EYA4: variants seen among roughly 807,000 people sequenced by gnomAD.
EYA4 encodes the protein protein phosphatase EYA4.
EYA4 carries 31 observed loss-of-function variants against 87.9 expected under a neutral mutation model. The ratio of observed to expected loss-of-function variants is 0.35; its 90% confidence interval spans 0.27 to 0.48. EYA4 has a LOEUF of 0.48. Ranked by LOEUF, EYA4 falls within the 20% of genes least tolerant of loss-of-function variation. EYA4 has a pLI of 0.99. For missense variants in EYA4, 678 were observed against 761.4 expected (o/e 0.89, Z 1.29); for synonymous variants, 263 against 270.6 (o/e 0.97, Z 0.28).
At chr6:133,506,806 A>G (rs12662135) in intron 14 of EYA4, among the ~76,000 whole-genome samples, 4,518 of 152,288 alleles carry the variant, frequency 0.03, 256 homozygotes, top group East Asian at 0.18. Flanking sequence ...GCAAAATGAA[A>G]CGACCCAAGG....
intron 3 of EYA4, among the ~76,000 whole-genome samples, chr6:133,395,184 C>T (rs1787676821): frequency 1.3e-5 from 2 of 151,378 alleles, no homozygotes; most frequent in South Asian, 2.1e-4. Context: ...AGAATTATTC[C>T]TTTTTCATGC....
chr6:133,489,399 G>A (rs558689328), intron 13 of EYA4, among the ~76,000 whole-genome samples: 1 of 152,108 alleles, frequency 6.6e-6, no homozygotes, highest in African/African-American at 2.4e-5. Context: ...CCACATGCAA[G>A]AAGGTTCTAG....
Position 133,532,013 on chromosome 6 carries a change from GC to G in EYA4, c.*3210del, listed in dbSNP as rs1013564969. The stretch of plus-strand genomic sequence containing the variant: ...TATTAGTAAAGTATAGATTATTGGG[GC>G]CTACATAATTTAAAAGAAATGTAAA... On this transcript the variant is annotated 3_prime_UTR_variant, in exon 20 of 20. Transcript: ENST00000355286. The G allele has an allele frequency of 2.0e-5, 3 of 152,038 alleles. No homozygotes were observed. The highest frequency in any genetic ancestry group is 6.6e-5 in the Admixed American group (1 of 15,252). The allele number at this position is 152,038 out of a possible 1,614,324, so 9.4% of individuals were successfully genotyped here.
chr6:133,507,665 G>A (rs1057366888), intron 14 of EYA4, among the ~76,000 whole-genome samples: 32 of 152,176 alleles, frequency 2.1e-4, no homozygotes, highest in Non-Finnish European at 7.4e-5. Context: ...TGAGAATGAC[G>A]ATTTCCAGCT....
At chr6:133,423,636 A>G (rs1254925374) in intron 3 of EYA4, among the ~76,000 whole-genome samples, 2 of 152,098 alleles carry the variant, frequency 1.3e-5, no homozygotes. Flanking sequence ...TAGTTTTATA[A>G]TATCATTAAA....
chr6:133,318,546 A>G (rs1477757289), intron 2 of EYA4, among the ~76,000 whole-genome samples: 1 of 151,402 alleles, frequency 6.6e-6, no homozygotes, highest in Non-Finnish European at 1.5e-5. Flanking sequence ...AGGTTGGTTT[A>G]TTCTGTTTCC....
At chr6:133,342,029 C>T (rs546249163) in intron 2 of EYA4, among the ~76,000 whole-genome samples, 3 of 152,082 alleles carry the variant, frequency 2.0e-5, no homozygotes, top group Non-Finnish European at 4.4e-5. Context: ...TTGAAACATG[C>T]TGGGCCTCTA....
intron 3 of EYA4, among the ~76,000 whole-genome samples, chr6:133,415,870 C>T (rs531791547): frequency 8.5e-5 from 13 of 152,088 alleles, no homozygotes; most frequent in South Asian, 4.1e-4. Flanking sequence ...TATAAAACAG[C>T]GTGGAAGGGC....
intron 3 of EYA4, among the ~76,000 whole-genome samples, chr6:133,390,368 C>G (rs996141858): frequency 1.3e-5 from 2 of 152,018 alleles, no homozygotes; most frequent in African/African-American, 2.4e-5. Context: ...TACAGGCGCC[C>G]CCGCCACCAC....
chr6:133,241,066 G>A (rs374185827), upstream of EYA4, among the ~76,000 whole-genome samples: 2 of 152,134 alleles, frequency 1.3e-5, no homozygotes, highest in Non-Finnish European at 2.9e-5. Flanking sequence ...GGCGCGGAGG[G>A]CACGGAGATT....
chr6:133,414,628 G>A (rs1288426847), intron 3 of EYA4, among the ~76,000 whole-genome samples: 1 of 152,128 alleles, frequency 6.6e-6, no homozygotes, highest in East Asian at 1.9e-4. Flanking sequence ...CCTCCTTTCT[G>A]CACCATGGCC....
At chr6:133,371,657 A>G (rs1473874023) in intron 2 of EYA4, among the ~76,000 whole-genome samples, 1 of 152,124 alleles carries the variant, frequency 6.6e-6, no homozygotes. Context: ...AGCAGTTTCA[A>G]AATTGTATGA....
chr6:133,360,924 G>A (rs7749773), intron 2 of EYA4, among the ~76,000 whole-genome samples: 4,655 of 152,290 alleles, frequency 0.031, 171 homozygotes, highest in East Asian at 0.2. Context: ...TTGAGAGTTA[G>A]AATTGTGTCT....
chr6:133,460,095 TA>T (rs940285154), intron 6 of EYA4, among the ~76,000 whole-genome samples: 2 of 152,158 alleles, frequency 1.3e-5, no homozygotes, highest in Non-Finnish European at 2.9e-5. Flanking sequence ...TTTACAATTC[TA>T]AAAGTTTCGC....
chr6:133,400,788 A>C (rs1388966267), intron 3 of EYA4, among the ~76,000 whole-genome samples: 1 of 152,128 alleles, frequency 6.6e-6, no homozygotes, highest in Non-Finnish European at 1.5e-5. Flanking sequence ...AATTTAACTG[A>C]AGTTGGGACC....
chr6:133,504,012 G>A (rs138980623), intron 13 of EYA4, among the ~76,000 whole-genome samples: 1,672 of 152,210 alleles, frequency 0.011, 10 homozygotes, highest in South Asian at 0.05. Flanking sequence ...CCACCTCCAA[G>A]GTTCAAGGGA....
intron 1 of EYA4, chr6:133,248,535 A>T (rs1467491407): frequency 6.6e-6 from 1 of 152,194 alleles, no homozygotes; most frequent in African/African-American, 2.4e-5. Flanking sequence ...GAACTCCCTA[A>T]TGTTAAAAGA....
intron 3 of EYA4, among the ~76,000 whole-genome samples, chr6:133,391,308 C>A (rs1787276383): frequency 6.7e-6 from 1 of 149,842 alleles, no homozygotes; most frequent in South Asian, 2.1e-4. Flanking sequence ...TGGCTCACCA[C>A]AACCTCCACC....
At chr6:133,386,922 TAA>T (rs944127440) in intron 3 of EYA4, among the ~76,000 whole-genome samples, 22 of 152,330 alleles carry the variant, frequency 1.4e-4, no homozygotes, top group African/African-American at 5.1e-4. Context: ...CTTCGTAAGT[TAA>T]AGAAATTGAG....
Sources: gnomAD v4.1 joint callset for allele counts (sites outside exome capture counted in the v4.1 genomes callset) on GRCh38, gnomAD v4.1.1 for gene constraint, MANE v1.5 for transcripts, NCBI Gene and HGNC (gene_info 2026-07-23, HGNC 2026-07-21) for gene names.